ABCA8: variants seen among roughly 807,000 people sequenced by gnomAD.
ABCA8 encodes ATP binding cassette subfamily A member 8.
ABCA8 carries 177 observed loss-of-function variants against 192.3 expected under a neutral mutation model. The ratio of observed to expected loss-of-function variants is 0.92; its 90% confidence interval spans 0.81 to 1.04. ABCA8 has a LOEUF of 1.04. Ranked by LOEUF, ABCA8 falls within the 50% of genes least tolerant of loss-of-function variation. The pLI, the probability that ABCA8 is intolerant of heterozygous loss-of-function variation, is 0.00. For missense variants in ABCA8, 1,915 were observed against 1,904.8 expected, an observed-to-expected ratio of 1.01 and a Z score of -0.10; for synonymous variants, 642 against 690.2, an observed-to-expected ratio of 0.93 and a Z score of 1.09.
intron 31 of ABCA8, 95 bp from the exon 32 acceptor site, chr17:68,881,306 ATTAG>A (rs1182000267): frequency 1.0e-5 from 9 of 868,502 alleles, no homozygotes; most frequent in Non-Finnish European, 1.6e-5. Flanking sequence ...AGCATTTGCT[ATTAG>A]TTGTCATTTA....
Position 68,937,035 on chromosome 17 carries a change from T to A in ABCA8, c.382A>T (p.Thr128Ser), listed in dbSNP as rs756241292. 1 of 1,610,882 alleles carries A rather than the reference T, an allele frequency of 6.2e-7. No homozygotes were observed. The change falls in exon 5 of 40, where the codon ACC becomes TCC. Residue 128 changes from threonine (T) to serine (S), a missense_variant. Physicochemically the swap from Thr to Ser is moderately conservative, Grantham distance 58. Transcript: ENST00000586539. ...TGATATGAGTATGTATTAGTAAAGG[T>A]GACTCTTACTATTTCTTCAGGATAA... is the stretch of plus-strand genomic sequence containing the variant. ...ANYPEEIVRV[T>S]FTNTYSYHLK...
intron 33 of ABCA8, among the ~76,000 whole-genome samples, chr17:68,877,042 C>A (rs2066226173): frequency 6.6e-6 from 1 of 152,050 alleles, no homozygotes. Context: ...CTGACTCTAT[C>A]CCCGAGGCTG....
chr17:68,875,878 G>T, intron 35 of ABCA8, 145 bp from the exon 36 acceptor site: 1 of 903,498 alleles, frequency 1.1e-6, no homozygotes, highest in Non-Finnish European at 1.6e-6. Context: ...GGGCAGGTAG[G>T]ATGAGGAAGG....
intron 8 of ABCA8, among the ~76,000 whole-genome samples, 162 bp downstream of exon 8, chr17:68,929,399 T>A: frequency 6.6e-6 from 1 of 152,226 alleles, no homozygotes; most frequent in East Asian, 1.9e-4. Flanking sequence ...GCACTAAAAA[T>A]TGACATTACA....
intron 24 of ABCA8, 60 bp from the exon 25 acceptor site, chr17:68,887,566 G>T: frequency 1.4e-6 from 2 of 1,424,916 alleles, no homozygotes; most frequent in Non-Finnish European, 1.9e-6. Context: ...GATTATGCAA[G>T]GAACTATTCA....
At chr17:68,935,540 C>CTATATTTATATATA (rs2068040392) in intron 5 of ABCA8, among the ~76,000 whole-genome samples, 1 of 87,290 alleles carries the variant, frequency 1.1e-5, no homozygotes, top group Non-Finnish European at 2.2e-5. Flanking sequence ...AGTAGTATTC[C>CTATATTTATATATA]TATATATATA....
In ABCA8 at chr17:68,877,666, C is replaced by G. The variant is rs1170768272; in HGVS notation, c.4052G>C (p.Gly1351Ala). ...CTCCAGGGCATCCCCTCCACCGCTCCCTTTCAGTAGCACCTGCAGATGAAA... is the reference window on the plus strand; with the variant it reads ...CTCCAGGGCATCCCCTCCACCGCTCGCTTTCAGTAGCACCTGCAGATGAAA... ...KPTAGQVLLKGSGGGDALEFL... is the reference protein window; with the variant it reads ...KPTAGQVLLKASGGGDALEFL... Residue 1351 changes from glycine to alanine, a missense_variant, in exon 33 of 40, where the codon GGG becomes GCG. Gly to Ala is a moderately conservative substitution (Grantham distance 60). Transcript: ENST00000586539. 6.2e-7 allele frequency: 1 copy of G among 1,610,822 alleles called. No individual in the cohort carries two copies. Among genetic ancestry groups the G allele is most frequent in the African/African-American group, 1.3e-5 (1 of 74,830 alleles).
chr17:68,918,276 AG>A lies in ABCA8; in HGVS notation c.1909-92del, dbSNP rs2143604527. On this transcript the variant is annotated intron_variant, in intron 15 of 39. Transcript: ENST00000586539. ...AAAAACCATATTGATTATATTTAAC[AG>A]AGTATTACGGTTAGGATTTAGATAC... The A allele has an allele frequency of 2.4e-5, 37 of 1,540,760 alleles. No individual in the cohort carries two copies. The South Asian group carries it at 4.4e-4, about 18-fold the overall frequency.
chr17:68,922,192 CTCTTTTTTTTTTTTTTTTTTTTTT>C (rs2067554484), intron 12 of ABCA8, 26 bp downstream of exon 12: 4 of 477,770 alleles, frequency 8.4e-6, no homozygotes, highest in Admixed American at 1.3e-4. Context: ...CTTTCTCTCT[CTCTTTTTTTTTTTTTTTTTTTTTT>C]TTTTTTTTTT....
At chr17:68,882,373 A>T (rs752993727) in intron 30 of ABCA8, among the ~76,000 whole-genome samples, 3 of 152,200 alleles carry the variant, frequency 2.0e-5, no homozygotes, top group East Asian at 1.9e-4. Context: ...CTTAGCTCAG[A>T]TTCTGAAATT....
chr17:68,922,688 G>A (rs4147983), intron 11 of ABCA8, among the ~76,000 whole-genome samples: 11,795 of 152,096 alleles, frequency 0.078, 905 homozygotes, highest in African/African-American at 0.19. Flanking sequence ...CACTGGCACA[G>A]GTTGGAAAGA....
chr17:68,875,840 GA>G (rs1470244716), intron 35 of ABCA8, 107 bp from the exon 36 acceptor site: 26 of 1,312,108 alleles, frequency 2.0e-5, no homozygotes, highest in Non-Finnish European at 2.7e-5. Flanking sequence ...TTAGCAAAAA[GA>G]GATTAAGTAA....
chr17:68,912,734 C>A (rs139213411), intron 17 of ABCA8, among the ~76,000 whole-genome samples: 16 of 152,120 alleles, frequency 1.1e-4, no homozygotes, highest in African/African-American at 3.9e-4. Flanking sequence ...CTGGAGCACC[C>A]AGATATGTAA....
At chr17:68,932,931 TG>T (rs2067947021) in intron 6 of ABCA8, among the ~76,000 whole-genome samples, 1 of 152,246 alleles carries the variant, frequency 6.6e-6, no homozygotes, top group Non-Finnish European at 1.5e-5. Context: ...AGTCTACTTC[TG>T]TTCTAATAAT....
rs761794455 is a variant in ABCA8 at position 68,940,789 on chromosome 17, C to T, written c.270G>A (p.Met90Ile). Residue 90 changes from methionine (M) to isoleucine (I), a missense_variant, in exon 4 of 40, where the codon ATG (methionine) becomes ATA (isoleucine). Transcript: ENST00000586539. ...GGAAGGGAGTAGAGGCTACTTTATT[C>T]ATTATCTGTTGGGTCGTGTTGGTGA... The part of the protein sequence containing the change: ...TPVTNTTQQI[M>I]NKVASTPFLA... The T allele has an allele frequency of 6.2e-6, 10 of 1,613,374 alleles. No individual in the cohort carries two copies. The highest frequency in any genetic ancestry group is 8.5e-6 in the Non-Finnish European group (10 of 1,179,544).
intron 21 of ABCA8, among the ~76,000 whole-genome samples, chr17:68,902,218 G>C (rs1598225886): frequency 1.3e-5 from 2 of 152,206 alleles, no homozygotes. Flanking sequence ...TGAGTCCAGT[G>C]ATATTACATG....
intron 26 of ABCA8, 52 bp downstream of exon 26, chr17:68,886,965 C>T (rs1413722931): frequency 4.6e-6 from 6 of 1,297,874 alleles, no homozygotes; most frequent in Middle Eastern, 1.9e-4. Flanking sequence ...AGGATTAGCT[C>T]AGAATTGTAT....
chr17:68,942,900 C>G (rs1361248602), intron 2 of ABCA8, among the ~76,000 whole-genome samples: 3 of 152,092 alleles, frequency 2.0e-5, no homozygotes, highest in African/African-American at 7.2e-5. Flanking sequence ...TGCACCCAGA[C>G]CAACACCTAC....
chr17:68,909,157 C>A (rs80005507), intron 17 of ABCA8, among the ~76,000 whole-genome samples: 2 of 152,054 alleles, frequency 1.3e-5, no homozygotes. Flanking sequence ...AGTGCTGGGG[C>A]GGAATGAATG....
Sources: allele counts gnomAD v4.1 joint callset (sites outside exome capture counted in the v4.1 genomes callset), GRCh38; gene constraint gnomAD v4.1.1; transcripts MANE v1.5; gene names NCBI Gene and HGNC (gene_info 2026-07-23, HGNC 2026-07-21).